SLC29A3: variants seen among roughly 807,000 people sequenced by gnomAD.
SLC29A3 encodes the protein solute carrier family 29 member 3, also known as equilibrative nucleoside transporter 3.
In SLC29A3, 18 loss-of-function variants were observed where a neutral mutation model predicts 25.4. The observed-to-expected ratio is 0.71, with a 90% confidence interval of 0.49 to 1.05. The LOEUF (loss-of-function observed/expected upper bound fraction) is 1.05. Ranked by LOEUF, SLC29A3 falls within the 50% of genes least tolerant of loss-of-function variation. The pLI, the probability that SLC29A3 is intolerant of heterozygous loss-of-function variation, is 0.00. For missense variants in SLC29A3, 586 were observed against 609.0 expected, an observed-to-expected ratio of 0.96 and a Z score of 0.40; for synonymous variants, 258 against 267.1, an observed-to-expected ratio of 0.97 and a Z score of 0.33.
downstream of SLC29A3, among the ~76,000 whole-genome samples, chr10:71,367,678 G>A (rs1847180869): frequency 1.3e-5 from 2 of 152,198 alleles, no homozygotes; most frequent in African/African-American, 2.4e-5. Flanking sequence ...GACCCTGAAG[G>A]AGAGTGACAA....
intron 2 of SLC29A3, among the ~76,000 whole-genome samples, chr10:71,333,442 C>G (rs1426967486): frequency 6.6e-6 from 1 of 152,246 alleles, no homozygotes; most frequent in Non-Finnish European, 1.5e-5. Flanking sequence ...AGAGAAACAG[C>G]CTTCCCAAGG....
chr10:71,319,393 C>A, intron 1 of SLC29A3, 83 bp downstream of exon 1: 1 of 566,512 alleles, frequency 1.8e-6, no homozygotes, highest in Non-Finnish European at 3.1e-6. Context: ...CTCCCGGGCC[C>A]TGGGGGCGGC....
chr10:71,319,478 T>TGC (rs1845796909), intron 1 of SLC29A3, 168 bp downstream of exon 1: 1 of 435,850 alleles, frequency 2.3e-6, no homozygotes. Flanking sequence ...TCTCTCTCCT[T>TGC]GCTCTCTGCC....
At chr10:71,358,509 C>T (rs1036145023) in intron 5 of SLC29A3, among the ~76,000 whole-genome samples, 35 of 150,376 alleles carry the variant, frequency 2.3e-4, no homozygotes, top group Middle Eastern at 3.4e-3. Context: ...TCCAGGCTGA[C>T]GTCCCCGTGC....
intron 2 of SLC29A3, among the ~76,000 whole-genome samples, chr10:71,332,090 C>T (rs1846130160): frequency 6.6e-6 from 1 of 152,032 alleles, no homozygotes; most frequent in South Asian, 2.1e-4. Flanking sequence ...TGTTTAGACT[C>T]CCTTTGCAAT....
chr10:71,344,989 GT>G (rs1377773830), intron 3 of SLC29A3, among the ~76,000 whole-genome samples: 9 of 152,298 alleles, frequency 5.9e-5, no homozygotes, highest in African/African-American at 2.2e-4. Context: ...TAGCAAATCT[GT>G]TTTGCCCAGT....
intron 5 of SLC29A3, among the ~76,000 whole-genome samples, chr10:71,359,533 C>T (rs1847002495): frequency 6.6e-6 from 1 of 152,200 alleles, no homozygotes; most frequent in African/African-American, 2.4e-5. Context: ...ATTGTGAAAC[C>T]AGACAGGGCT....
At chr10:71,369,426 C>T (rs994023199) in intron 3 of SLC29A3, among the ~76,000 whole-genome samples, 2 of 152,166 alleles carry the variant, frequency 1.3e-5, no homozygotes, top group African/African-American at 2.4e-5. Context: ...TGTGGCTTGG[C>T]TTCTCCTAAT....
chr10:71,325,206 C>T (rs760811497), intron 2 of SLC29A3, among the ~76,000 whole-genome samples: 19 of 152,190 alleles, frequency 1.2e-4, no homozygotes, highest in Non-Finnish European at 2.4e-4. Context: ...AGGAGCTGTC[C>T]TCAGTTTTAT....
chr10:71,368,858 C>T lies in SLC29A3; in HGVS notation c.*95-6837C>T, dbSNP rs556451584. Among the ~76,000 whole-genome samples, 19 of 152,254 alleles carry T rather than the reference C, an allele frequency of 1.2e-4. No homozygotes were observed. The East Asian group carries it at 2.7e-3, about 22-fold the overall frequency. ...CATTTTCTCATCTGAACACTAGGGGCGATTGTAGTACTGCTCTCATCTCTG... is the reference window on the plus strand; with the variant it reads ...CATTTTCTCATCTGAACACTAGGGGTGATTGTAGTACTGCTCTCATCTCTG... On this transcript the variant is annotated intron_variant and NMD_transcript_variant, in intron 3 of 4. Coordinates refer to the SLC29A3 transcript ENST00000642772.
At chr10:71,374,395 C>T (rs1847234251) in intron 3 of SLC29A3, among the ~76,000 whole-genome samples, 1 of 152,164 alleles carries the variant, frequency 6.6e-6, no homozygotes, top group African/African-American at 2.4e-5. Flanking sequence ...CAATGGCTGG[C>T]CACCTTTTTA....
In SLC29A3 at chr10:71,354,509, G is replaced by A. The variant is rs148339257; in HGVS notation, c.611-1572G>A. 2.6e-3 allele frequency among the ~76,000 whole-genome samples: 398 copies of A among 152,372 alleles called. 1 individual carries two copies. The highest frequency in any genetic ancestry group is 9.2e-3 in the African/African-American group (381 of 41,594). On this transcript the variant is annotated intron_variant, in intron 4 of 5. Coordinates refer to ENST00000373189, the MANE Select transcript of SLC29A3 (RefSeq NM_018344.6). ...AAGGGCTATTCTCTGTAGAGCCATAGAGGCCACAGGCAGAGCATGGGGAGC... is the reference window on the plus strand; with the variant it reads ...AAGGGCTATTCTCTGTAGAGCCATAAAGGCCACAGGCAGAGCATGGGGAGC...
At chr10:71,341,646 T>G (rs1404537330) in intron 2 of SLC29A3, among the ~76,000 whole-genome samples, 1 of 152,240 alleles carries the variant, frequency 6.6e-6, no homozygotes, top group African/African-American at 2.4e-5. Flanking sequence ...TATCTCTGCC[T>G]AGCAAAATAC....
intron 2 of SLC29A3, among the ~76,000 whole-genome samples, chr10:71,337,350 C>T (rs1372193684): frequency 1.3e-5 from 2 of 152,236 alleles, no homozygotes; most frequent in Non-Finnish European, 2.9e-5. Flanking sequence ...GGCAAGGGCA[C>T]CTCCCCTGCA....
intron 5 of SLC29A3, among the ~76,000 whole-genome samples, chr10:71,356,455 T>C (rs1846914975): frequency 6.6e-6 from 1 of 152,226 alleles, no homozygotes; most frequent in African/African-American, 2.4e-5. Context: ...TGGTGAATAA[T>C]AGTTCACACT....
intron 3 of SLC29A3, among the ~76,000 whole-genome samples, chr10:71,374,323 T>C (rs952326885): frequency 2.0e-5 from 3 of 152,168 alleles, no homozygotes; most frequent in Non-Finnish European, 2.9e-5. Context: ...CCTTTAACCA[T>C]TTCCCACCCC....
downstream of SLC29A3, among the ~76,000 whole-genome samples, chr10:71,366,688 C>T (rs573094997): frequency 3.7e-4 from 57 of 152,222 alleles, no homozygotes; most frequent in East Asian, 1.5e-3. Flanking sequence ...TTCATCAGCT[C>T]GGAGGTGATG....
rs375020619 is a variant in SLC29A3, at chr10:71,344,292, G to A, written c.383+1G>A. On this transcript the variant is annotated splice_donor_variant, in intron 3 of 5. Transcript: ENST00000373189. LOFTEE classifies it high-confidence loss of function. ...TGGCCAACTTCCTGCTTGTCAACAG[G>A]TAGGCGACTCTCTTCCCTCTCTCAG... is the stretch of plus-strand genomic sequence containing the variant. 5.6e-6 allele frequency: 9 copies of A among 1,612,698 alleles called. No homozygotes were observed. The highest frequency in any genetic ancestry group is 7.6e-6 in the Non-Finnish European group (9 of 1,178,976).
downstream of SLC29A3, chr10:71,364,915 C>T (rs1426090484): frequency 6.6e-6 from 1 of 152,218 alleles, no homozygotes; most frequent in African/African-American, 2.4e-5. Context: ...TGACTCATCT[C>T]AACCACAAGT....
Sources: gnomAD v4.1 joint callset for allele counts (sites outside exome capture counted in the v4.1 genomes callset) on GRCh38, gnomAD v4.1.1 for gene constraint, MANE v1.5 for transcripts, NCBI Gene and HGNC (gene_info 2026-07-23, HGNC 2026-07-21) for gene names.